The following OR1F1 variants were observed in gnomAD, a reference collection of about 807,000 sequenced individuals.
OR1F1 encodes the protein olfactory receptor 1F1.
For synonymous variants in OR1F1, 184 were observed against 156.7 expected (o/e 1.17, Z -1.30); for missense variants, 493 against 376.3 (o/e 1.31, Z -2.57).
exon 1 of OR1F1, chr16:3,204,774 C>A: frequency 1.2e-6 from 2 of 1,614,096 alleles, no homozygotes; most frequent in Non-Finnish European, 1.7e-6. Flanking sequence ...CCATCACTCA[C>A]TTCTTCTGCG....
chr16:3,194,626 C>T, the OR1F1 span, among the ~76,000 whole-genome samples: 1 of 152,010 alleles, frequency 6.6e-6, no homozygotes, highest in Non-Finnish European at 1.5e-5. Flanking sequence ...TCTTGGCACT[C>T]GGGCCAGAGG....
chr16:3,198,962 A>G, the OR1F1 span, among the ~76,000 whole-genome samples: 1 of 150,564 alleles, frequency 6.6e-6, no homozygotes, highest in African/African-American at 2.4e-5. Flanking sequence ...GTCACAAAAA[A>G]CGAAAACAAA....
downstream of OR1F1, among the ~76,000 whole-genome samples, chr16:3,205,798 G>A (rs10468343): frequency 0.013 from 2,026 of 152,154 alleles, 40 homozygotes; most frequent in African/African-American, 0.044. Context: ...ATCTTCGTAA[G>A]CTGACGATGT....
the OR1F1 span, among the ~76,000 whole-genome samples, chr16:3,196,056 A>G: frequency 6.6e-6 from 1 of 152,252 alleles, no homozygotes; most frequent in Non-Finnish European, 1.5e-5. Context: ...TGGGAAGGGC[A>G]GGACCCAGCG....
chr16:3,198,013 GGGAGAA>G, the OR1F1 span, among the ~76,000 whole-genome samples: 1 of 23,966 alleles, frequency 4.2e-5, no homozygotes, highest in African/African-American at 1.8e-4. Flanking sequence ...GAGAGGGAGA[GGGAGAA>G]GGAGAGGGAG....
chr16:3,189,894 A>G, the OR1F1 span: 1 of 148,320 alleles, frequency 6.7e-6, no homozygotes, highest in East Asian at 2.0e-4. Flanking sequence ...CAGTGTTGCC[A>G]GAGCCCTTTT....
the OR1F1 span, among the ~76,000 whole-genome samples, chr16:3,192,555 C>T: frequency 3.7e-4 from 56 of 152,334 alleles, no homozygotes; most frequent in Admixed American, 7.2e-4. Flanking sequence ...TCTTGAGCAG[C>T]TCCAACACTG....
the OR1F1 span, among the ~76,000 whole-genome samples, chr16:3,196,373 T>C: frequency 6.6e-6 from 1 of 152,134 alleles, no homozygotes; most frequent in Admixed American, 6.5e-5. Flanking sequence ...ATTAAAGTTT[T>C]AAAGTAAAAA....
At chr16:3,204,791 C>G in exon 1 of OR1F1, 1 of 1,614,176 alleles carries the variant, frequency 6.2e-7, no homozygotes. Context: ...TGCGATGTGA[C>G]TCCCCTACTG....
chr16:3,203,419 A>G (rs1214968647), upstream of OR1F1, among the ~76,000 whole-genome samples: 1 of 152,250 alleles, frequency 6.6e-6, no homozygotes, highest in Non-Finnish European at 1.5e-5. Context: ...GAAAAAGGGA[A>G]GCCAACCCAG....
the OR1F1 span, chr16:3,191,104 C>T: frequency 6.6e-6 from 1 of 152,170 alleles, no homozygotes; most frequent in African/African-American, 2.4e-5. Flanking sequence ...GTCTGCAGCT[C>T]CAAAGATGGG....
the OR1F1 span, among the ~76,000 whole-genome samples, chr16:3,197,645 ACATCTGACTACAAGCTTAAATGGGCTG>A: frequency 3.8e-3 from 1 of 264 alleles, no homozygotes; most frequent in Non-Finnish European, 8.8e-3. Flanking sequence ...GCGCAGTCCT[ACATCTGACTACAAGCTTAAATGGGCTG>A]GGGAGAGAGG....
the OR1F1 span, among the ~76,000 whole-genome samples, chr16:3,194,164 A>G: frequency 2.0e-5 from 3 of 152,240 alleles, no homozygotes; most frequent in African/African-American, 7.2e-5. Flanking sequence ...CTAGGATGAG[A>G]AGAGTGAAGA....
chr16:3,194,485 A>G, the OR1F1 span, among the ~76,000 whole-genome samples: 1 of 152,220 alleles, frequency 6.6e-6, no homozygotes, highest in Non-Finnish European at 1.5e-5. Flanking sequence ...AATGTTGCTC[A>G]ACCTCAGAAA....
At chr16:3,192,201 T>A in the OR1F1 span, among the ~76,000 whole-genome samples, 1 of 152,102 alleles carries the variant, frequency 6.6e-6, no homozygotes, top group Non-Finnish European at 1.5e-5. Flanking sequence ...GGACTACAGG[T>A]GCCCGCCACC....
the OR1F1 span, chr16:3,191,414 T>C: frequency 1.3e-5 from 2 of 152,048 alleles, no homozygotes; most frequent in Non-Finnish European, 2.9e-5. Context: ...TGTGCCCTGG[T>C]TTCTGGGGCT....
upstream of OR1F1, among the ~76,000 whole-genome samples, chr16:3,203,838 A>T (rs572986947): frequency 2.6e-5 from 4 of 151,850 alleles, no homozygotes; most frequent in African/African-American, 7.3e-5. Flanking sequence ...CCTCAGAGGG[A>T]CCCTCCTTCC....
chr16:3,193,356 C>A, the OR1F1 span, among the ~76,000 whole-genome samples: 1 of 152,236 alleles, frequency 6.6e-6, no homozygotes, highest in Non-Finnish European at 1.5e-5. Flanking sequence ...CCCTCCGTTG[C>A]TCTCTGACTC....
upstream of OR1F1, among the ~76,000 whole-genome samples, chr16:3,199,297 T>C (rs1217554700): frequency 6.6e-6 from 1 of 151,646 alleles, no homozygotes; most frequent in Non-Finnish European, 1.5e-5. Context: ...AGGGAGACCC[T>C]ACCTGAAATA....
Sources: gnomAD v4.1 joint callset for allele counts (sites outside exome capture counted in the v4.1 genomes callset) on GRCh38, gnomAD v4.1.1 for gene constraint, MANE v1.5 for transcripts, NCBI Gene and HGNC (gene_info 2026-07-23, HGNC 2026-07-21) for gene names.